Variants in PTPRD observed in about 807,000 individuals in gnomAD.
PTPRD encodes protein tyrosine phosphatase receptor type D, also known as receptor-type tyrosine-protein phosphatase delta.
In PTPRD, 34 loss-of-function variants were observed where a neutral mutation model predicts 214.5. The ratio of observed to expected loss-of-function variants is 0.16; its 90% CI spans 0.12 to 0.21. The LOEUF (loss-of-function observed/expected upper bound fraction) is 0.21. PTPRD is among the 10% of genes least tolerant of loss of function. The pLI is 1.00. For missense variants in PTPRD, 2,545 were observed against 2,398.7 expected, an observed-to-expected ratio of 1.06 and a Z score of -1.27; for synonymous variants, 1,128 against 845.7, an observed-to-expected ratio of 1.33 and a Z score of -5.79.
chr9:9,145,550 C>T (rs899669990), intron 10 of PTPRD, among the ~76,000 whole-genome samples: 1 of 152,120 alleles, frequency 6.6e-6, no homozygotes, highest in African/African-American at 2.4e-5. Flanking sequence ...TAAACTCTAA[C>T]ATACCCCCTC....
chr9:8,462,307 G>A (rs1187622007), intron 32 of PTPRD, among the ~76,000 whole-genome samples: 1 of 151,806 alleles, frequency 6.6e-6, no homozygotes, highest in Non-Finnish European at 1.5e-5. Flanking sequence ...TGTCCCCCAG[G>A]TCCATCTGCT....
intron 11 of PTPRD, among the ~76,000 whole-genome samples, chr9:8,753,430 A>T (rs929717416): frequency 6.6e-6 from 1 of 152,330 alleles, no homozygotes; most frequent in South Asian, 2.1e-4. Context: ...TAGGGTTGAT[A>T]CTTTAAAAGC....
At chr9:8,457,937 G>T (rs755689664) in intron 33 of PTPRD, among the ~76,000 whole-genome samples, 1 of 151,988 alleles carries the variant, frequency 6.6e-6, no homozygotes, top group Non-Finnish European at 1.5e-5. Context: ...CTATTCATTG[G>T]GTACAGAAGA....
intron 3 of PTPRD, among the ~76,000 whole-genome samples, chr9:10,055,577 T>C (rs554532222): frequency 6.6e-6 from 1 of 152,118 alleles, no homozygotes; most frequent in Non-Finnish European, 1.5e-5. Context: ...TCACTCTTAA[T>C]CACTTCATTA....
At chr9:8,787,502 C>G (rs1429766344) in intron 11 of PTPRD, among the ~76,000 whole-genome samples, 2 of 152,004 alleles carry the variant, frequency 1.3e-5, no homozygotes, top group Admixed American at 1.3e-4. Context: ...CTATTAATGT[C>G]TAGGACAGGG....
intron 9 of PTPRD, among the ~76,000 whole-genome samples, chr9:9,273,969 C>A (rs148199727): frequency 1.3e-5 from 2 of 151,390 alleles, no homozygotes; most frequent in East Asian, 2.0e-4. Context: ...TGTAATCAAC[C>A]TATTTTTTTC....
intron 7 of PTPRD, among the ~76,000 whole-genome samples, chr9:9,676,977 G>GT (rs1053597713): frequency 4.0e-5 from 6 of 151,736 alleles, no homozygotes; most frequent in East Asian, 1.9e-4. Flanking sequence ...GGGGTTGTTT[G>GT]TTTTTTTTCT....
At chr9:9,909,703 C>G (rs897936703) in intron 5 of PTPRD, among the ~76,000 whole-genome samples, 2 of 151,680 alleles carry the variant, frequency 1.3e-5, no homozygotes, top group Admixed American at 1.3e-4. Flanking sequence ...TTTCAATGAA[C>G]TAATTAAGAA....
chr9:9,943,994 T>G (rs1372296751), intron 4 of PTPRD, among the ~76,000 whole-genome samples: 1 of 152,178 alleles, frequency 6.6e-6, no homozygotes, highest in African/African-American at 2.4e-5. Flanking sequence ...GATTTTTATC[T>G]TCATGTCAGA....
chr9:10,227,923 A>G (rs867194622), intron 3 of PTPRD, among the ~76,000 whole-genome samples: 1 of 151,962 alleles, frequency 6.6e-6, no homozygotes, highest in Non-Finnish European at 1.5e-5. Context: ...AATCTTCATA[A>G]TCTCTAACTA....
rs555057102 is a variant in PTPRD, at chr9:10,200,169, T to C, written c.-545+140794A>G. On this transcript the variant is annotated intron_variant, in intron 3 of 45. Transcript: ENST00000381196. The stretch of plus-strand genomic sequence containing the variant: ...TTTTACCTCCCTCTTGTTTCAGTAA[T>C]TCACCTCTTTGACATAATGCTAATT... Among the ~76,000 whole-genome samples, 4 of 152,198 alleles carry C rather than the reference T, an allele frequency of 2.6e-5. No individual in the cohort carries two copies. The East Asian group carries it at 7.7e-4, about 29-fold the overall frequency.
At chr9:9,548,479 T>C (rs680513) in intron 8 of PTPRD, among the ~76,000 whole-genome samples, 57,635 of 148,646 alleles carry the variant, frequency 0.39, 11,488 homozygotes, top group African/African-American at 0.43. Context: ...ATGATCTTGG[T>C]TCACTGTAAC....
chr9:9,103,385 C>A (rs536337382), intron 10 of PTPRD, among the ~76,000 whole-genome samples: 17 of 151,762 alleles, frequency 1.1e-4, no homozygotes, highest in African/African-American at 4.1e-4. Flanking sequence ...TAAAAAAGAT[C>A]AGATCTCTGC....
At chr9:10,295,401 G>A (rs537427403) in intron 3 of PTPRD, among the ~76,000 whole-genome samples, 1 of 151,946 alleles carries the variant, frequency 6.6e-6, no homozygotes, top group Non-Finnish European at 1.5e-5. Context: ...AAATTACCAA[G>A]AATATCAACT....
chr9:10,527,084 T>C (rs572794838), intron 2 of PTPRD, among the ~76,000 whole-genome samples: 1 of 152,250 alleles, frequency 6.6e-6, no homozygotes, highest in South Asian at 2.1e-4. Context: ...TTCAGAGTAA[T>C]AAATTAGACA....
chr9:8,903,841 A>G lies in PTPRD; in HGVS notation c.-104+114856T>C, dbSNP rs529542545. Among the ~76,000 whole-genome samples the G allele has an allele frequency of 4.1e-5, 6 of 146,726 alleles. No individual in the cohort carries two copies. In the South Asian group the frequency reaches 1.2e-3, roughly 30 times the overall value. On this transcript the variant is annotated intron_variant, in intron 11 of 45. Transcript: ENST00000381196. ...GAATTGCATAAAGTTCATGGTAATA[A>G]TGGTTGACTTAAATATTGTTTTATG...
intron 2 of PTPRD, among the ~76,000 whole-genome samples, chr9:10,348,132 T>C (rs185323382): frequency 2.2e-3 from 334 of 152,326 alleles, no homozygotes; most frequent in African/African-American, 7.9e-3. Flanking sequence ...AATCTTATTT[T>C]ATGTCAAACC....
chr9:8,693,816 A>C (rs1201332247), intron 12 of PTPRD, among the ~76,000 whole-genome samples: 1 of 152,212 alleles, frequency 6.6e-6, no homozygotes, highest in African/African-American at 2.4e-5. Flanking sequence ...ACACTTCCAC[A>C]ACAAAACAAG....
chr9:8,490,836 A>G (rs1563780280), intron 27 of PTPRD, among the ~76,000 whole-genome samples: 1 of 152,184 alleles, frequency 6.6e-6, no homozygotes, highest in Non-Finnish European at 1.5e-5. Context: ...ATATCCCACA[A>G]TCAGGAAGTT....
Sources: allele counts gnomAD v4.1 joint callset (sites outside exome capture counted in the v4.1 genomes callset), GRCh38; gene constraint gnomAD v4.1.1; transcripts MANE v1.5; gene names NCBI Gene and HGNC (gene_info 2026-07-23, HGNC 2026-07-21).